Variants in TENM3 observed in about 807,000 individuals in gnomAD.
TENM3 encodes teneurin-3.
Under a neutral mutation model 255.1 loss-of-function variants are expected in TENM3, and 63 were observed. That is an observed-to-expected ratio of 0.25 (90% CI 0.20 to 0.30). The LOEUF (loss-of-function observed/expected upper bound fraction) is 0.30, where lower values mean the gene tolerates loss of function less well. TENM3 is among the 10% of genes least tolerant of loss of function. TENM3 has a pLI of 1.00. For synonymous variants in TENM3, 1,306 were observed against 1,322.3 expected (o/e 0.99, Z 0.27); for missense variants, 2,929 against 3,461.1 (o/e 0.85, Z 3.86).
chr4:182,417,148 T>G (rs1770442717), intron 3 of TENM3, among the ~76,000 whole-genome samples: 1 of 152,000 alleles, frequency 6.6e-6, no homozygotes, highest in Non-Finnish European at 1.5e-5. Context: ...TAATTTTTTT[T>G]TGTATTTTTA....
chr4:181,969,421 A>T, the TENM3 span, among the ~76,000 whole-genome samples: 2 of 152,204 alleles, frequency 1.3e-5, no homozygotes, highest in Non-Finnish European at 2.9e-5. Context: ...TCATCTTTCA[A>T]ATGGGAATAT....
At chr4:181,752,781 A>G in the TENM3 span, among the ~76,000 whole-genome samples, 9 of 152,112 alleles carry the variant, frequency 5.9e-5, no homozygotes, top group Non-Finnish European at 8.8e-5. Context: ...TGTTTCCGAA[A>G]TAGAAAAAAA....
chr4:182,357,686 T>C (rs1466608118), intron 3 of TENM3, among the ~76,000 whole-genome samples: 9 of 150,964 alleles, frequency 6.0e-5, no homozygotes, highest in African/African-American at 2.2e-4. Context: ...ACTCTGATGG[T>C]AGTTTCTTTT....
At chr4:182,138,181 C>T in the TENM3 span, among the ~76,000 whole-genome samples, 33 of 152,168 alleles carry the variant, frequency 2.2e-4, no homozygotes, top group African/African-American at 4.8e-5. Flanking sequence ...TAGAAAAGGT[C>T]TGCTTAATAT....
chr4:182,754,298 A>G lies in TENM3; in HGVS notation c.4018-87A>G, dbSNP rs917135969. On this transcript the variant is annotated intron_variant, in intron 21 of 27. Coordinates refer to ENST00000511685, the MANE Select transcript of TENM3 (RefSeq NM_001080477.4). The surrounding 1 kb of genome is among the most constrained non-coding windows in gnomAD (Gnocchi z 5.1). Reference sequence around the variant, plus strand: ...GACAGTTTATCTCAGATTAATGCCAATTTCCCTGAATGGTCTAATTTACTC... The same window carrying G: ...GACAGTTTATCTCAGATTAATGCCAGTTTCCCTGAATGGTCTAATTTACTC... The G allele has an allele frequency of 2.9e-6, 4 of 1,375,124 alleles. No homozygotes were observed. In the African/African-American group the frequency reaches 4.4e-5, roughly 15 times the overall value. 85.2% of individuals were successfully genotyped at this position (1,375,124 alleles called of 1,614,324 possible).
At chr4:181,737,560 C>T in the TENM3 span, among the ~76,000 whole-genome samples, 1 of 152,004 alleles carries the variant, frequency 6.6e-6, no homozygotes, top group Non-Finnish European at 1.5e-5. Flanking sequence ...GCTGACAGCA[C>T]ATGAAGAGGC....
chr4:181,797,608 A>G, the TENM3 span, among the ~76,000 whole-genome samples: 1 of 152,224 alleles, frequency 6.6e-6, no homozygotes, highest in South Asian at 2.1e-4. Context: ...GGCATTAACA[A>G]GTAAAACTGG....
the TENM3 span, among the ~76,000 whole-genome samples, chr4:181,932,039 C>T: frequency 2.0e-5 from 3 of 152,068 alleles, no homozygotes; most frequent in African/African-American, 7.2e-5. Flanking sequence ...AAGACTTAAA[C>T]ATAAAACCTA....
the TENM3 span, among the ~76,000 whole-genome samples, chr4:181,577,025 A>G: frequency 7.6e-6 from 1 of 131,510 alleles, no homozygotes; most frequent in Non-Finnish European, 1.6e-5. Flanking sequence ...TATATGTAAT[A>G]TGCAATATAT....
intron 1 of TENM3, among the ~76,000 whole-genome samples, chr4:182,322,320 G>C (rs1292014208): frequency 6.6e-6 from 1 of 152,206 alleles, no homozygotes; most frequent in African/African-American, 2.4e-5. Context: ...AGCCATATCG[G>C]TATTTGGAAG....
chr4:182,300,664 C>G (rs1761798324), intron 1 of TENM3, among the ~76,000 whole-genome samples: 1 of 152,192 alleles, frequency 6.6e-6, no homozygotes, highest in Non-Finnish European at 1.5e-5. Context: ...TGATATTTTA[C>G]CTTTTCAGCT....
chr4:181,904,017 C>A, the TENM3 span, among the ~76,000 whole-genome samples: 1 of 152,172 alleles, frequency 6.6e-6, no homozygotes, highest in Non-Finnish European at 1.5e-5. Flanking sequence ...TCTAACTGTC[C>A]ATTCAACATC....
the TENM3 span, among the ~76,000 whole-genome samples, chr4:181,706,905 G>A: frequency 6.6e-6 from 1 of 152,194 alleles, no homozygotes; most frequent in South Asian, 2.1e-4. Context: ...GGTTACTGAT[G>A]TCCTGAGCCC....
chr4:182,763,250 G>A (rs1763361843), intron 22 of TENM3, among the ~76,000 whole-genome samples: 1 of 152,150 alleles, frequency 6.6e-6, no homozygotes, highest in African/African-American at 2.4e-5. Flanking sequence ...GAAGAAAGAT[G>A]TCATTCTGTT....
At chr4:182,604,804 T>C (rs763814931) in intron 4 of TENM3, among the ~76,000 whole-genome samples, 23 of 152,244 alleles carry the variant, frequency 1.5e-4, no homozygotes, top group Non-Finnish European at 8.8e-5. Flanking sequence ...TATGTTCCCA[T>C]AGCTTTTTAC....
At chr4:181,615,274 T>C in the TENM3 span, among the ~76,000 whole-genome samples, 2 of 152,080 alleles carry the variant, frequency 1.3e-5, no homozygotes, top group Admixed American at 6.6e-5. Context: ...TTGTGACTGG[T>C]TATGAAAGAT....
the TENM3 span, among the ~76,000 whole-genome samples, chr4:181,641,474 G>T: frequency 7.1e-6 from 1 of 141,744 alleles, no homozygotes; most frequent in East Asian, 2.1e-4. Flanking sequence ...GAGAATGATG[G>T]TTTCCAGCTT....
chr4:182,120,137 C>T, the TENM3 span, among the ~76,000 whole-genome samples: 3 of 151,840 alleles, frequency 2.0e-5, no homozygotes, highest in Non-Finnish European at 4.4e-5. Context: ...TTCTCTTCTT[C>T]ACTTTTGGTT....
intron 7 of TENM3, among the ~76,000 whole-genome samples, 200 bp from the exon 8 acceptor site, chr4:182,679,466 A>G (rs569157509): frequency 2.1e-4 from 32 of 152,314 alleles, no homozygotes; most frequent in Non-Finnish European, 3.4e-4. Context: ...TGATGTTTGA[A>G]TCCAGCCCTG....
Sources: gnomAD v4.1 joint callset for allele counts (sites outside exome capture counted in the v4.1 genomes callset) on GRCh38, gnomAD v4.1.1 for gene constraint, Gnocchi (gnomAD v3.1) non-coding constraint, MANE v1.5 for transcripts, NCBI Gene and HGNC (gene_info 2026-07-23, HGNC 2026-07-21) for gene names.